WNT2: variants seen among roughly 807,000 people sequenced by gnomAD.
The protein encoded by WNT2 is protein Wnt-2.
Under a neutral mutation model 36.9 loss-of-function variants are expected in WNT2, and 12 were observed. The observed-to-expected ratio is 0.33, with a 90% CI of 0.21 to 0.53. The LOEUF (loss-of-function observed/expected upper bound fraction) is 0.53. Among genes scored for constraint, WNT2 ranks in the 20% least tolerant of loss-of-function variants. The pLI is 0.95. For missense variants in WNT2, 379 were observed against 473.1 expected (o/e 0.80, Z 1.84); for synonymous variants, 163 against 174.6 (o/e 0.93, Z 0.52).
chr7:117,301,973 A>G (rs1469931531), intron 3 of WNT2, among the ~76,000 whole-genome samples: 2 of 151,286 alleles, frequency 1.3e-5, no homozygotes, highest in Non-Finnish European at 2.9e-5. Flanking sequence ...ACGCCTTGCT[A>G]TTTTTTTGTA....
chr7:117,285,232 A>T (rs1458537829), intron 4 of WNT2, among the ~76,000 whole-genome samples: 1 of 152,248 alleles, frequency 6.6e-6, no homozygotes, highest in East Asian at 1.9e-4. Context: ...TCAGTTGCTC[A>T]TGCTGCATTT....
intron 3 of WNT2, among the ~76,000 whole-genome samples, chr7:117,314,628 A>G (rs1484285422): frequency 6.6e-6 from 1 of 152,252 alleles, no homozygotes; most frequent in Non-Finnish European, 1.5e-5. Context: ...TAAATCTAGA[A>G]GAAGCCAACA....
chr7:117,299,287 G>T (rs1794856219), intron 3 of WNT2, among the ~76,000 whole-genome samples: 1 of 152,162 alleles, frequency 6.6e-6, no homozygotes, highest in Non-Finnish European at 1.5e-5. Flanking sequence ...TCCCCATGTG[G>T]CTCTCACCTG....
chr7:117,278,898 G>A (rs1339996321), intron 4 of WNT2, among the ~76,000 whole-genome samples: 3 of 152,198 alleles, frequency 2.0e-5, no homozygotes, highest in Non-Finnish European at 4.4e-5. Context: ...TTATGAGAAA[G>A]GGAATAGAAC....
In WNT2 at chr7:117,276,091, G is replaced by A. The variant is rs1024552903; in HGVS notation, c.*2064C>T. ...ACTATCTCAAACACTCAAGAGTGTG[G>A]TCCTATTTGTGATGGAGCATTGGGC... On this transcript the variant is annotated 3_prime_UTR_variant, in exon 5 of 5. Coordinates refer to ENST00000265441, the MANE Select transcript of WNT2 (RefSeq NM_003391.3). Among the ~76,000 whole-genome samples the A allele has an allele frequency of 2.0e-5, 3 of 152,192 alleles. No homozygotes were observed. Among genetic ancestry groups the A allele is most frequent in the Admixed American group, 1.3e-4 (2 of 15,284 alleles).
intron 4 of WNT2, among the ~76,000 whole-genome samples, chr7:117,287,328 G>T (rs1200753084): frequency 6.6e-6 from 1 of 152,196 alleles, no homozygotes; most frequent in East Asian, 1.9e-4. Context: ...CTGGGCGACA[G>T]AGCGAGACTG....
At position 117,320,628 on chromosome 7, in the gene WNT2, G is replaced by C; in HGVS notation, c.249C>G (p.His83Gln). 1 of 1,614,024 alleles carries C rather than the reference G, an allele frequency of 6.2e-7. No individual in the cohort carries two copies. The highest frequency in any genetic ancestry group is 8.5e-7 in the Non-Finnish European group (1 of 1,179,964). Reference sequence around the variant, plus strand: ...TGTCCAGGGTGTTGCAATTCCAGCGGTGCTGGCGGAACTGGTGCTGGCATT... The same window carrying C: ...TGTCCAGGGTGTTGCAATTCCAGCGCTGCTGGCGGAACTGGTGCTGGCATT... ...TAECQHQFRQ[H>Q]RWNCNTLDRD... The change falls in exon 2 of 5, where the codon CAC (histidine) becomes CAG (glutamine). Residue 83 changes from histidine (H) to glutamine (Q), a missense_variant. By Grantham distance (24) the His-to-Gln change is conservative. Transcript: ENST00000265441.
At chr7:117,291,283 C>T (rs943329191) in intron 4 of WNT2, among the ~76,000 whole-genome samples, 2 of 152,162 alleles carry the variant, frequency 1.3e-5, no homozygotes, top group African/African-American at 4.8e-5. Flanking sequence ...GTTTTTTGAA[C>T]TTGACTGGAG....
chr7:117,309,964 G>T (rs928040166), intron 3 of WNT2, among the ~76,000 whole-genome samples: 5 of 150,650 alleles, frequency 3.3e-5, no homozygotes, highest in Non-Finnish European at 5.9e-5. Flanking sequence ...ATTTTTTTTT[G>T]ATATGGGATC....
chr7:117,283,278 G>T (rs941807266), intron 4 of WNT2, among the ~76,000 whole-genome samples: 1 of 152,152 alleles, frequency 6.6e-6, no homozygotes, highest in Non-Finnish European at 1.5e-5. Flanking sequence ...GCTCTCACTT[G>T]GTATCCCAGA....
chr7:117,303,517 C>T (rs892781710), intron 3 of WNT2, among the ~76,000 whole-genome samples: 2 of 152,126 alleles, frequency 1.3e-5, no homozygotes, highest in Admixed American at 6.5e-5. Flanking sequence ...AGGATACTCC[C>T]CCTGGGGTCT....
At chr7:117,286,265 G>T (rs540711910) in intron 4 of WNT2, among the ~76,000 whole-genome samples, 1 of 152,250 alleles carries the variant, frequency 6.6e-6, no homozygotes, top group East Asian at 1.9e-4. Context: ...ATGGAGTCAG[G>T]GTTCCCAGTG....
At position 117,322,707 on chromosome 7, in the gene WNT2, G is replaced by A. The variant is rs1272065167; in HGVS notation, c.83+200C>T. ...CATTTGAGGGGGAATGTGGTTTTAT[G>A]GAGTTGTCAAAGCTGAAATGATCTT... On this transcript the variant is annotated intron_variant, in intron 1 of 4. Transcript: ENST00000265441. The surrounding 1 kb of genome is among the most constrained non-coding windows in gnomAD (Gnocchi z 5.4). Among the ~76,000 whole-genome samples, 2 of 152,166 alleles carry A rather than the reference G, an allele frequency of 1.3e-5. No individual in the cohort carries two copies. Among genetic ancestry groups the A allele is most frequent in the Admixed American group, 1.3e-4 (2 of 15,284 alleles).
chr7:117,286,085 G>C (rs1794572998), intron 4 of WNT2, among the ~76,000 whole-genome samples: 1 of 152,114 alleles, frequency 6.6e-6, no homozygotes, highest in Admixed American at 6.5e-5. Flanking sequence ...CATATGTGTT[G>C]TCATCCTGAC....
At chr7:117,292,325 G>A (rs1389129060) in intron 4 of WNT2, among the ~76,000 whole-genome samples, 5 of 151,900 alleles carry the variant, frequency 3.3e-5, no homozygotes, top group African/African-American at 7.3e-5. Flanking sequence ...ACACTGGGAC[G>A]TAAGTGGCAC....
intron 3 of WNT2, among the ~76,000 whole-genome samples, chr7:117,302,284 G>A (rs764180570): frequency 2.4e-4 from 37 of 152,080 alleles, no homozygotes; most frequent in Non-Finnish European, 4.7e-4. Context: ...GGACAAAAAG[G>A]TGTTCGACTT....
chr7:117,290,223 G>C (rs1203147746), intron 4 of WNT2, among the ~76,000 whole-genome samples: 1 of 152,124 alleles, frequency 6.6e-6, no homozygotes, highest in African/African-American at 2.4e-5. Flanking sequence ...CAGAGAGAGA[G>C]CAAAGAGAGT....
In WNT2 at chr7:117,322,777, T is replaced by C; in HGVS notation, c.83+130A>G. ...TCACCATGGGGCGATAAGAGGGCAG[T>C]AGCCAGGGTTCGGGCCAGAATCCGA... On this transcript the variant is annotated intron_variant, in intron 1 of 4. Transcript: ENST00000265441. This position sits in a 1 kb window ranked among gnomAD's most constrained non-coding sequence, Gnocchi z 5.4. 1 of 848,792 alleles carries C rather than the reference T, an allele frequency of 1.2e-6. No individual in the cohort carries two copies. The highest frequency in any genetic ancestry group is 1.4e-5 in the South Asian group (1 of 69,892). The allele number at this position is 848,792 out of a possible 1,614,324, so 52.6% of individuals were successfully genotyped here.
intron 3 of WNT2, among the ~76,000 whole-genome samples, chr7:117,307,920 C>T (rs1795043620): frequency 1.3e-5 from 2 of 152,186 alleles, no homozygotes; most frequent in Admixed American, 1.3e-4. Context: ...TTTAGTTAAA[C>T]TTGAGCATTT....
Sources: gnomAD v4.1 joint callset for allele counts (sites outside exome capture counted in the v4.1 genomes callset) on GRCh38, gnomAD v4.1.1 for gene constraint, Gnocchi (gnomAD v3.1) non-coding constraint, MANE v1.5 for transcripts, NCBI Gene and HGNC (gene_info 2026-07-23, HGNC 2026-07-21) for gene names.